NPAS3: variants seen among roughly 807,000 people sequenced by gnomAD.
The protein encoded by NPAS3 is neuronal PAS domain protein 3.
NPAS3 carries 14 observed loss-of-function variants against 73.1 expected under a neutral mutation model. The observed-to-expected ratio is 0.19, with a 90% CI of 0.13 to 0.30. The LOEUF (loss-of-function observed/expected upper bound fraction) is 0.30, where lower values mean the gene tolerates loss of function less well. NPAS3 is among the 10% of genes least tolerant of loss of function. The probability of loss-of-function intolerance (pLI) is 1.00; values close to 1 mark genes in which losing one functional copy is unlikely to be tolerated. For synonymous variants in NPAS3, 620 were observed against 541.5 expected, an observed-to-expected ratio of 1.14 and a Z score of -2.01; for missense variants, 1,096 against 1,250.0, an observed-to-expected ratio of 0.88 and a Z score of 1.86.
chr14:33,063,448 AC>A (rs907351873), intron 2 of NPAS3, among the ~76,000 whole-genome samples: 4 of 151,808 alleles, frequency 2.6e-5, no homozygotes, highest in African/African-American at 9.7e-5. Flanking sequence ...TCTACCCCCA[AC>A]CCCCCAGTTT....
intron 5 of NPAS3, among the ~76,000 whole-genome samples, chr14:33,613,678 C>T (rs2057822977): frequency 2.0e-5 from 3 of 152,220 alleles, no homozygotes; most frequent in African/African-American, 7.2e-5. Context: ...GGCCACACTG[C>T]TCATCCTTCG....
chr14:33,078,515 T>A (rs190549075), intron 2 of NPAS3, among the ~76,000 whole-genome samples: 1 of 132,812 alleles, frequency 7.5e-6, no homozygotes, highest in Admixed American at 8.5e-5. Context: ...TACATTAATG[T>A]CTTACAAAAA....
chr14:33,594,043 A>G (rs2057157978), intron 5 of NPAS3, among the ~76,000 whole-genome samples: 1 of 152,190 alleles, frequency 6.6e-6, no homozygotes, highest in Non-Finnish European at 1.5e-5. Context: ...TTATTTCTGA[A>G]TGCCATACTT....
chr14:33,480,988 T>G (rs1456636874), intron 4 of NPAS3, among the ~76,000 whole-genome samples: 2 of 152,094 alleles, frequency 1.3e-5, no homozygotes, highest in Non-Finnish European at 2.9e-5. Context: ...TTTGGCCATC[T>G]AGAGCCTCAT....
At chr14:33,383,900 T>G (rs1232606896) in intron 4 of NPAS3, among the ~76,000 whole-genome samples, 1 of 152,218 alleles carries the variant, frequency 6.6e-6, no homozygotes, top group African/African-American at 2.4e-5. Flanking sequence ...CCGCTATATT[T>G]GCATGAATTA....
At chr14:33,361,911 C>G (rs1285577337) in intron 3 of NPAS3, among the ~76,000 whole-genome samples, 1 of 152,078 alleles carries the variant, frequency 6.6e-6, no homozygotes, top group Admixed American at 6.5e-5. Context: ...GTCCCTATTT[C>G]TCTTCTACAG....
chr14:32,953,141 A>G (rs1365107280), intron 1 of NPAS3, among the ~76,000 whole-genome samples: 1 of 152,032 alleles, frequency 6.6e-6, no homozygotes, highest in East Asian at 1.9e-4. Context: ...AAAAGAAAAA[A>G]AAAAAAACAG....
At chr14:33,526,886 T>C (rs777588951) in intron 4 of NPAS3, among the ~76,000 whole-genome samples, 2 of 152,092 alleles carry the variant, frequency 1.3e-5, no homozygotes, top group Non-Finnish European at 2.9e-5. Flanking sequence ...TTCATTGACA[T>C]AACCTAATAT....
intron 4 of NPAS3, among the ~76,000 whole-genome samples, chr14:33,389,989 T>C (rs1313859316): frequency 1.3e-5 from 2 of 152,122 alleles, no homozygotes; most frequent in African/African-American, 2.4e-5. Context: ...CAGCCGAATG[T>C]TGTTCCATGG....
At chr14:33,723,021 A>G (rs28439779) in intron 6 of NPAS3, among the ~76,000 whole-genome samples, 3,334 of 152,290 alleles carry the variant, frequency 0.022, 112 homozygotes, top group African/African-American at 0.076. Context: ...GACTCCTTCT[A>G]TCTCCAGAAT....
chr14:32,951,890 T>C lies in NPAS3; in HGVS notation c.50+12524T>C, dbSNP rs1449267019. On this transcript the variant is annotated intron_variant, in intron 1 of 11. Transcript: ENST00000356141. ...CCTTTACTTGTAAAGGTGAACTGAT[T>C]TGGGGTTTGTAGTGCAGACAGATTT... is the stretch of plus-strand genomic sequence containing the variant. Among the ~76,000 whole-genome samples the C allele has an allele frequency of 2.6e-5, 4 of 152,028 alleles. No individual in the cohort carries two copies. The East Asian group carries it at 7.7e-4, about 29-fold the overall frequency.
chr14:33,560,467 A>G (rs924989784), intron 5 of NPAS3: 12 of 318,338 alleles, frequency 3.8e-5, no homozygotes, highest in Non-Finnish European at 6.3e-5. Flanking sequence ...GAACAAATGA[A>G]GTTTCTTCCC....
At chr14:33,461,226 A>T (rs536179691) in intron 4 of NPAS3, among the ~76,000 whole-genome samples, 1 of 152,196 alleles carries the variant, frequency 6.6e-6, no homozygotes, top group African/African-American at 2.4e-5. Context: ...TGCCTTTAGG[A>T]ATTCAGTGCT....
intron 4 of NPAS3, among the ~76,000 whole-genome samples, chr14:33,528,841 A>C (rs2053918257): frequency 6.6e-6 from 1 of 152,168 alleles, no homozygotes; most frequent in Non-Finnish European, 1.5e-5. Flanking sequence ...CACATGCCTT[A>C]AGGAATAGCG....
chr14:33,209,217 G>T (rs764746000), intron 2 of NPAS3, among the ~76,000 whole-genome samples: 1 of 151,984 alleles, frequency 6.6e-6, no homozygotes, highest in South Asian at 2.1e-4. Flanking sequence ...AGTTGTTTGT[G>T]CATTTCTCAA....
chr14:33,666,746 A>C (rs2059461387), intron 5 of NPAS3, among the ~76,000 whole-genome samples: 1 of 152,284 alleles, frequency 6.6e-6, no homozygotes, highest in South Asian at 2.1e-4. Context: ...TGTTTCTTTT[A>C]ATTAATTCCT....
chr14:33,205,161 A>G (rs189969187), intron 2 of NPAS3, among the ~76,000 whole-genome samples: 13 of 152,262 alleles, frequency 8.5e-5, no homozygotes, highest in Non-Finnish European at 1.5e-4. Flanking sequence ...TTGGATATAT[A>G]TTATCTCTAT....
intron 5 of NPAS3, among the ~76,000 whole-genome samples, chr14:33,564,506 C>A (rs939512401): frequency 6.6e-6 from 1 of 152,206 alleles, no homozygotes; most frequent in Non-Finnish European, 1.5e-5. Context: ...CATAGCTGTG[C>A]GGAAGACCAT....
At chr14:33,633,043 C>T (rs556357912) in intron 5 of NPAS3, among the ~76,000 whole-genome samples, 1 of 152,112 alleles carries the variant, frequency 6.6e-6, no homozygotes, top group African/African-American at 2.4e-5. Context: ...TAAAAAATAA[C>T]ACAAGTTTAA....
Sources: gnomAD v4.1 joint callset for allele counts (sites outside exome capture counted in the v4.1 genomes callset) on GRCh38, gnomAD v4.1.1 for gene constraint, MANE v1.5 for transcripts, NCBI Gene and HGNC (gene_info 2026-07-23, HGNC 2026-07-21) for gene names.